The following TLN1 variants were observed in gnomAD, a reference collection of about 807,000 sequenced individuals.
TLN1 encodes the protein talin-1.
A neutral mutation model predicts 292.3 loss-of-function variants in TLN1; 56 were observed. That is an observed-to-expected ratio of 0.19 (90% CI 0.15 to 0.24). The LOEUF (loss-of-function observed/expected upper bound fraction) is 0.24. Among genes scored for constraint, TLN1 ranks in the 10% least tolerant of loss-of-function variants. The pLI, the probability that TLN1 is intolerant of heterozygous loss-of-function variation, is 1.00. For missense variants in TLN1, 2,433 were observed against 3,248.2 expected (o/e 0.75, Z 6.10); for synonymous variants, 1,119 against 1,253.7 (o/e 0.89, Z 2.27).
In TLN1 at chr9:35,715,056, C is replaced by T; in HGVS notation, c.2754+3G>A. The stretch of plus-strand genomic sequence containing the variant: ...TTGCTCCTGGTGAAACTCCCAGCCT[C>T]ACCTCCAGGCGCTGCACCAGCTTTT... On this transcript the variant is annotated splice_donor_region_variant and intron_variant, in intron 21 of 56. Transcript: ENST00000314888. 1.2e-6 allele frequency: 2 copies of T among 1,612,920 alleles called. No homozygotes were observed. The highest frequency in any genetic ancestry group is 1.7e-6 in the Non-Finnish European group (2 of 1,180,036).
Position 35,698,470 on chromosome 9 carries a change from A to C in TLN1, c.7224T>G (p.Cys2408Trp). 6.2e-7 allele frequency: 1 copy of C among 1,613,986 alleles called. No individual in the cohort carries two copies. The highest frequency in any genetic ancestry group is 8.5e-7 in the Non-Finnish European group (1 of 1,179,978). The change falls in exon 55 of 57, where the codon TGT becomes TGG. Residue 2408 changes from cysteine (C) to tryptophan (W), a missense_variant. Cys to Trp is a radical substitution (Grantham distance 215). Coordinates refer to ENST00000314888, the MANE Select transcript of TLN1 (RefSeq NM_006289.4). The surrounding 1 kb of genome is among the most constrained non-coding windows in gnomAD (Gnocchi z 5.3). ...CTTGTACAGCTGCATTGGCTGCCTC[A>C]CACAGATTGTTGGTGGCCGCAGCCA... ...RMVAAATNNL[C>W]EAANAAVQGH...
At position 35,704,645 on chromosome 9, in the gene TLN1, AT is replaced by A; in HGVS notation, c.5880+23del. ...TACAGAGTTTGGAGGCAGTCCCACC[AT>A]CTGCAGGGATGAGCACCGTCACCTT... On this transcript the variant is annotated intron_variant, in intron 44 of 56. Coordinates refer to ENST00000314888, the MANE Select transcript of TLN1 (RefSeq NM_006289.4). The surrounding 1 kb of genome is among the most constrained non-coding windows in gnomAD (Gnocchi z 6.9). 1 of 1,612,854 alleles carries A rather than the reference AT, an allele frequency of 6.2e-7. No individual in the cohort carries two copies. The highest frequency in any genetic ancestry group is 8.5e-7 in the Non-Finnish European group (1 of 1,179,470).
Position 35,704,793 on chromosome 9 carries a change from C to T in TLN1, c.5756G>A (p.Arg1919Gln), listed in dbSNP as rs1432688705. The T allele has an allele frequency of 1.1e-5, 18 of 1,613,890 alleles. No individual in the cohort carries two copies. Among genetic ancestry groups the T allele is most frequent in the Admixed American group, 3.3e-5 (2 of 59,970 alleles). Residue 1919 changes from arginine to glutamine, a missense_variant, in exon 44 of 57, where the codon CGG becomes CAG. This residue lies in a region of TLN1 where 1,384 missense variants were observed against 1,699.6 expected (regional missense o/e 0.81). Coordinates refer to ENST00000314888, the MANE Select transcript of TLN1 (RefSeq NM_006289.4). The surrounding 1 kb of genome is among the most constrained non-coding windows in gnomAD (Gnocchi z 6.9). Reference sequence around the variant, plus strand: ...ACAGCCATGGCCCAGCTCCTGTACCCGGTGTTTGATATGGGAACCTATCTG... The same window carrying T: ...ACAGCCATGGCCCAGCTCCTGTACCTGGTGTTTGATATGGGAACCTATCTG... ...NEEIGSHIKHRVQELGHGCAA... is the reference protein window; with the variant it reads ...NEEIGSHIKHQVQELGHGCAA...
rs1461897162 is a variant in TLN1 at position 35,717,046 on chromosome 9, T to C, written c.2458+100A>G. The C allele has an allele frequency of 4.4e-6, 6 of 1,378,578 alleles. No individual in the cohort carries two copies. Among genetic ancestry groups the C allele is most frequent in the Non-Finnish European group, 5.9e-6 (6 of 1,016,498 alleles). 85.4% of individuals were successfully genotyped at this position (1,378,578 alleles called of 1,614,324 possible). ...GCTGGCAAGCCCACACTGTGCTGAG[T>C]TCCTTGGGGTGAAGTGGTTAGGTCC... On this transcript the variant is annotated intron_variant, in intron 19 of 56. Transcript: ENST00000314888. This position sits in a 1 kb window ranked among gnomAD's most constrained non-coding sequence, Gnocchi z 4.7.
rs937850418 is a variant in TLN1, at chr9:35,717,854, G to C, written c.1996-68C>G. The stretch of plus-strand genomic sequence containing the variant: ...GGATTCACAGACACTTCTCAGAGGC[G>C]TAAGCTGCTTCATTATTCCCACTGA... On this transcript the variant is annotated intron_variant, in intron 17 of 56. Transcript: ENST00000314888. The surrounding 1 kb of genome is among the most constrained non-coding windows in gnomAD (Gnocchi z 4.7). 2.6e-6 allele frequency: 4 copies of C among 1,518,468 alleles called. No individual in the cohort carries two copies. Among genetic ancestry groups the C allele is most frequent in the Non-Finnish European group, 3.6e-6 (4 of 1,117,936 alleles). The allele number at this position is 1,518,468 out of a possible 1,614,324, so 94.1% of individuals were successfully genotyped here.
Position 35,719,062 on chromosome 9 carries a change from G to C in TLN1, c.1896+12C>G. 6.2e-7 allele frequency: 1 copy of C among 1,608,134 alleles called. No homozygotes were observed. Among genetic ancestry groups the C allele is most frequent in the Non-Finnish European group, 8.5e-7 (1 of 1,176,516 alleles). The stretch of plus-strand genomic sequence containing the variant: ...CCTGTCTCCACCCTAACCCAAACCT[G>C]TGGCCCCTGACCTCAGCACTGGCTG... On this transcript the variant is annotated intron_variant, in intron 16 of 56. Transcript: ENST00000314888. The surrounding 1 kb of genome is among the most constrained non-coding windows in gnomAD (Gnocchi z 4.6).
At position 35,714,949 on chromosome 9, in the gene TLN1, C is replaced by T. The variant is rs1239200378; in HGVS notation, c.2755-73G>A. On this transcript the variant is annotated intron_variant, in intron 21 of 56. Transcript: ENST00000314888. This position sits in a 1 kb window ranked among gnomAD's most constrained non-coding sequence, Gnocchi z 4.6. ...AGCCCAGTCCCTGGCCTACCTTGCCCAGGTTATGCCTCAAGGACGTATTAA... is the reference window on the plus strand; with the variant it reads ...AGCCCAGTCCCTGGCCTACCTTGCCTAGGTTATGCCTCAAGGACGTATTAA... 1.9e-6 allele frequency: 3 copies of T among 1,608,546 alleles called. No homozygotes were observed. Among genetic ancestry groups the T allele is most frequent in the Non-Finnish European group, 1.7e-6 (2 of 1,178,304 alleles).
At chr9:35,713,496 C>A (rs1825714948) in intron 25 of TLN1, among the ~76,000 whole-genome samples, 198 bp from the exon 26 acceptor site, 1 of 152,042 alleles carries the variant, frequency 6.6e-6, no homozygotes, top group African/African-American at 2.4e-5. Flanking sequence ...CCAGCCTGGG[C>A]AACATGGCGA....
intron 48 of TLN1, among the ~76,000 whole-genome samples, chr9:35,701,938 A>C (rs773472506): frequency 6.6e-5 from 10 of 152,250 alleles, no homozygotes; most frequent in Non-Finnish European, 1.2e-4. Context: ...GACATCTTCA[A>C]GTAAAAGTGA....
chr9:35,712,738 G>A (rs1587982998), intron 27 of TLN1, 97 bp downstream of exon 27: 1 of 1,057,900 alleles, frequency 9.5e-7, no homozygotes, highest in African/African-American at 1.6e-5. Flanking sequence ...ACATCACTCT[G>A]TGAGTGTGGA....
Position 35,724,408 on chromosome 9 carries a change from AT to A in TLN1, c.512-75del. Reference sequence around the variant, plus strand: ...CTGTCTGGTCTCTGTTTATTTCTGCATTTCCTACCTCCCCTCACTTAAATGT... The same window carrying A: ...CTGTCTGGTCTCTGTTTATTTCTGCATTCCTACCTCCCCTCACTTAAATGT... On this transcript the variant is annotated intron_variant, in intron 5 of 56. Transcript: ENST00000314888. The surrounding 1 kb of genome is among the most constrained non-coding windows in gnomAD (Gnocchi z 4.7). 6.3e-7 allele frequency: 1 copy of A among 1,595,028 alleles called. No homozygotes were observed. Among genetic ancestry groups the A allele is most frequent in the Non-Finnish European group, 8.6e-7 (1 of 1,165,878 alleles).
Position 35,719,487 on chromosome 9 carries a change from A to G in TLN1, c.1687+32T>C, listed in dbSNP as rs931662906. The G allele has an allele frequency of 1.3e-6, 2 of 1,589,692 alleles. No individual in the cohort carries two copies. The highest frequency in any genetic ancestry group is 2.2e-5 in the South Asian group (2 of 90,536). ...GTGCACACTTGCACCCCCTCTCCCC[A>G]TCACACACCCGGAAGCTAGCATCCG... On this transcript the variant is annotated intron_variant, in intron 15 of 56. Coordinates refer to ENST00000314888, the MANE Select transcript of TLN1 (RefSeq NM_006289.4). This position sits in a 1 kb window ranked among gnomAD's most constrained non-coding sequence, Gnocchi z 4.6.
chr9:35,703,921 T>C (rs748697623), intron 46 of TLN1, 21 bp from the exon 47 acceptor site: 1 of 1,614,066 alleles, frequency 6.2e-7, no homozygotes, highest in South Asian at 1.1e-5. Context: ...AAGCGTTGGC[T>C]CTGGTCTATG....
chr9:35,700,369 C>G lies in TLN1; in HGVS notation c.6482G>C (p.Cys2161Ser). 1 of 1,597,604 alleles carries G rather than the reference C, an allele frequency of 6.3e-7. No homozygotes were observed. Among genetic ancestry groups the G allele is most frequent in the South Asian group, 1.1e-5 (1 of 90,718 alleles). Residue 2161 changes from cysteine (C) to serine (S), a missense_variant, in exon 49 of 57, where the codon TGT becomes TCT. Cys to Ser is a moderately radical substitution (Grantham distance 112, BLOSUM62 -1). Transcript: ENST00000314888. ...EHIRQELAVF[C>S]SPEPPAKTST... is the part of the protein sequence containing the mutation. The stretch of plus-strand genomic sequence containing the variant: ...GGTCTTGGCAGGTGGCTCTGGGGAA[C>G]AGAAAACCTGTGGGGGCAGAAGAAG...
At chr9:35,725,046 G>C (rs751960441) in intron 3 of TLN1, 87 bp from the exon 4 acceptor site, 1 of 1,592,590 alleles carries the variant, frequency 6.3e-7, no homozygotes, top group South Asian at 1.1e-5. Flanking sequence ...AGAGAGTGGA[G>C]CACTGAAAGG....
At position 35,713,339 on chromosome 9, in the gene TLN1, A is replaced by T. The variant is rs201004238; in HGVS notation, c.3250-41T>A. The T allele has an allele frequency of 1.3e-5, 19 of 1,517,818 alleles. No individual in the cohort carries two copies. In the African/African-American group the frequency reaches 2.2e-4, roughly 18 times the overall value. 94.0% of individuals were successfully genotyped at this position (1,517,818 alleles called of 1,614,324 possible). A position where few individuals can be genotyped will look rare whatever the true frequency, so the allele number is the denominator to read the frequency against. The stretch of plus-strand genomic sequence containing the variant: ...GAAGAATTGGGCTTGAGAAAGGAGA[A>T]GGTGAGGAGAAGGAACCTGAGAAGG... On this transcript the variant is annotated intron_variant, in intron 25 of 56. Transcript: ENST00000314888.
intron 8 of TLN1, 93 bp downstream of exon 8, chr9:35,722,768 G>A: frequency 7.6e-7 from 1 of 1,316,762 alleles, no homozygotes; most frequent in East Asian, 2.3e-5. Context: ...CAAGTTAGGG[G>A]AGACGGGGAG....
In TLN1 at chr9:35,707,322, T is replaced by A. The variant is rs1825583778; in HGVS notation, c.4773+26A>T. The stretch of plus-strand genomic sequence containing the variant: ...GAAGATGAGGTGATAAGCTGGCCCA[T>A]CAGTTCCCCCTTCACATCGCCTCAC... On this transcript the variant is annotated intron_variant, in intron 36 of 56. Transcript: ENST00000314888. This position sits in a 1 kb window ranked among gnomAD's most constrained non-coding sequence, Gnocchi z 5.6. The A allele has an allele frequency of 6.2e-7, 1 of 1,611,664 alleles. No homozygotes were observed. Among genetic ancestry groups the A allele is most frequent in the African/African-American group, 1.3e-5 (1 of 74,992 alleles).
intron 9 of TLN1, 151 bp downstream of exon 9, chr9:35,721,968 G>T: frequency 8.8e-7 from 1 of 1,137,090 alleles, no homozygotes; most frequent in Non-Finnish European, 1.3e-6. Flanking sequence ...GCTGATGACA[G>T]GCAGGTTTTC....
Sources: gnomAD v4.1 joint callset for allele counts (sites outside exome capture counted in the v4.1 genomes callset) on GRCh38, gnomAD v4.1.1 for gene constraint, gnomAD v4.1.1 regional missense constraint, Gnocchi (gnomAD v3.1) non-coding constraint, MANE v1.5 for transcripts, NCBI Gene and HGNC (gene_info 2026-07-23, HGNC 2026-07-21) for gene names.